Variants in NBPF3 observed in about 807,000 individuals in gnomAD.
NBPF3 encodes the protein NBPF member 3, also known as NBPF family member NBPF3.
In NBPF3, 57 loss-of-function variants were observed where a neutral mutation model predicts 78.1. That is an observed-to-expected ratio of 0.73 (90% CI 0.59 to 0.91). The LOEUF is 0.91. Among genes scored for constraint, NBPF3 ranks in the 40% least tolerant of loss-of-function variants. The pLI is 0.00. For missense variants in NBPF3, 510 were observed against 715.3 expected, an observed-to-expected ratio of 0.71 and a Z score of 3.27; for synonymous variants, 182 against 271.7, an observed-to-expected ratio of 0.67 and a Z score of 3.25.
intron 2 of NBPF3, among the ~76,000 whole-genome samples, chr1:21,466,554 G>T (rs1258057339): frequency 1.3e-5 from 2 of 152,220 alleles, no homozygotes; most frequent in Non-Finnish European, 2.9e-5. Context: ...GTATATTCCA[G>T]AGTTCCAGGG....
intron 5 of NBPF3, 111 bp downstream of exon 5, chr1:21,471,894 G>A (rs76019382): frequency 0.043 from 60,104 of 1,404,324 alleles, 1,486 homozygotes; most frequent in African/African-American, 0.094. Context: ...CCCACTAAAC[G>A]TATGTGGCCG....
chr1:21,457,465 TTTC>T (rs1176292461), intron 2 of NBPF3, among the ~76,000 whole-genome samples: 1 of 151,820 alleles, frequency 6.6e-6, no homozygotes, highest in Non-Finnish European at 1.5e-5. Flanking sequence ...AATGAAACAA[TTTC>T]TCAAAAGACT....
chr1:21,456,727 A>AGG (rs1340612896), intron 2 of NBPF3, among the ~76,000 whole-genome samples: 2 of 152,196 alleles, frequency 1.3e-5, no homozygotes, highest in Non-Finnish European at 2.9e-5. Context: ...AACCCTATTA[A>AGG]GGGTAGATTT....
chr1:21,440,035 T>A (rs1640524727), upstream of NBPF3: 1 of 152,202 alleles, frequency 6.6e-6, no homozygotes, highest in African/African-American at 2.4e-5. Flanking sequence ...GGCCGCCGAG[T>A]CCCTTTAAGG....
intron 9 of NBPF3, among the ~76,000 whole-genome samples, chr1:21,478,882 G>A (rs1297368190): frequency 6.6e-6 from 1 of 152,180 alleles, no homozygotes; most frequent in East Asian, 1.9e-4. Flanking sequence ...ACCCACAAAA[G>A]CCATGATAGC....
chr1:21,450,959 A>G (rs4654936), intron 2 of NBPF3, among the ~76,000 whole-genome samples: 82,458 of 152,182 alleles, frequency 0.54, 23,118 homozygotes, highest in Admixed American at 0.66. Flanking sequence ...TGGAAATGGA[A>G]CTGGGCAAAA....
upstream of NBPF3, among the ~76,000 whole-genome samples, chr1:21,437,999 T>C (rs905440059): frequency 6.6e-6 from 1 of 152,010 alleles, no homozygotes; most frequent in Non-Finnish European, 1.5e-5. Context: ...TTCTTAGTTT[T>C]AGTAGAGATG....
intron 3 of NBPF3, among the ~76,000 whole-genome samples, chr1:21,470,359 CAG>C (rs1336093425): frequency 6.6e-6 from 1 of 152,240 alleles, no homozygotes; most frequent in Admixed American, 6.5e-5. Context: ...AGTCAGACCT[CAG>C]GGGCTGTGAA....
upstream of NBPF3, chr1:21,436,789 A>T: frequency 1.7e-6 from 2 of 1,170,396 alleles, no homozygotes; most frequent in South Asian, 5.8e-5. The surrounding 1 kb of genome is among the most constrained non-coding windows in gnomAD (Gnocchi z 4.3). Flanking sequence ...CGCCTTGCAC[A>T]AGCACCAGCT....
In NBPF3 at chr1:21,480,104, T is replaced by A. The variant is rs1412180130; in HGVS notation, c.1262T>A (p.Leu421Gln). Residue 421 changes from leucine (L) to glutamine (Q), a missense_variant, in exon 11 of 15, where the codon CTG becomes CAG. By Grantham distance (113) the Leu-to-Gln change is moderately radical. This residue lies in a region of NBPF3 where 22 missense variants were observed against 59.9 expected (regional missense o/e 0.37). Transcript: ENST00000318249. ...EKEPEVLQDS[L>Q]DRFYSTPFEY... is the part of the protein sequence containing the mutation. ...GAGCCTGAAGTCTTGCAGGACTCAC[T>A]GGATAGATTTTATTCAACTCCTTTT... 2.7e-6 allele frequency: 3 copies of A among 1,128,992 alleles called. No homozygotes were observed. The African/African-American group carries it at 4.3e-5, about 16-fold the overall frequency. 69.9% of individuals were successfully genotyped at this position (1,128,992 alleles called of 1,614,324 possible). A position where few individuals can be genotyped will look rare whatever the true frequency, so the allele number is the denominator to read the frequency against.
Position 21,445,210 on chromosome 1 carries a change from G to T in NBPF3, c.124G>T (p.Asp42Tyr). The T allele has an allele frequency of 6.2e-7, 1 of 1,611,708 alleles. No homozygotes were observed. Among genetic ancestry groups the T allele is most frequent in the Non-Finnish European group, 8.5e-7 (1 of 1,179,634 alleles). The change falls in exon 2 of 15, where the codon GAT becomes TAT. Residue 42 changes from aspartate (D) to tyrosine (Y), a missense_variant. Transcript: ENST00000318249. ...TGTGGGCCGACATCAAGAGCTGCGAGATCCAACAGGTAAAAATCCCGAGGC... is the reference window on the plus strand; with the variant it reads ...TGTGGGCCGACATCAAGAGCTGCGATATCCAACAGGTAAAAATCCCGAGGC... ...HGVGRHQELRDPTVPGPTSSA... is the reference protein window; with the variant it reads ...HGVGRHQELRYPTVPGPTSSA...
At chr1:21,469,147 G>A (rs991104654) in intron 3 of NBPF3, among the ~76,000 whole-genome samples, 1 of 152,172 alleles carries the variant, frequency 6.6e-6, no homozygotes, top group Admixed American at 6.5e-5. Flanking sequence ...TGGGACACAG[G>A]CACAGAACGA....
At position 21,471,780 on chromosome 1, in the gene NBPF3, C is replaced by T; in HGVS notation, c.658C>T (p.Pro220Ser). The T allele has an allele frequency of 6.2e-7, 1 of 1,612,668 alleles. No individual in the cohort carries two copies. The highest frequency in any genetic ancestry group is 8.5e-7 in the Non-Finnish European group (1 of 1,179,798). ...ACAGCACCTCGTCCAAAAGCTCAGC[C>T]CAGGTGAGGTGGCCATAGGCCCTGA... The part of the protein sequence containing the change: ...LAQHLVQKLS[P>S]ENDDDEDEDV... Residue 220 changes from proline (P) to serine (S), a missense_variant, in exon 5 of 15, where the codon CCA becomes TCA. Around this residue, in one of 5 missense-constraint regions of NBPF3, gnomAD observed 440 missense variants for 478.2 expected, o/e 0.92. Transcript: ENST00000318249.
At chr1:21,468,565 C>G (rs1258374718) in intron 2 of NBPF3, 123 bp from the exon 3 acceptor site, 3 of 1,576,314 alleles carry the variant, frequency 1.9e-6, no homozygotes, top group Non-Finnish European at 2.6e-6. Flanking sequence ...GCTGCGGGGA[C>G]TGATCACATT....
intron 2 of NBPF3, chr1:21,466,950 C>A (rs1642304897): frequency 1.0e-6 from 1 of 972,486 alleles, no homozygotes; most frequent in African/African-American, 1.8e-5. Flanking sequence ...TATATGGATC[C>A]TATGAATAAT....
At chr1:21,465,235 A>G (rs4654751) in intron 2 of NBPF3, among the ~76,000 whole-genome samples, 103,594 of 142,668 alleles carry the variant, frequency 0.73, 35,403 homozygotes, top group South Asian at 0.88. Context: ...GTGTGCCTCC[A>G]TTTCTTCATC....
In NBPF3 at chr1:21,440,315, G is replaced by T. The variant is rs1047699252; in HGVS notation, c.-173G>T. ...CGGCTGCGGGCCGCCGTCTGGATGG[G>T]AAGTTACGGCGAAGTCCACCCAGCG... On this transcript the variant is annotated 5_prime_UTR_variant, in exon 1 of 15. Coordinates refer to ENST00000318249, the MANE Select transcript of NBPF3 (RefSeq NM_032264.6). 2.6e-5 allele frequency: 4 copies of T among 152,240 alleles called. No individual in the cohort carries two copies. Among genetic ancestry groups the T allele is most frequent in the African/African-American group, 9.7e-5 (4 of 41,446 alleles). The allele number at this position is 152,240 out of a possible 1,614,324, so 9.4% of individuals were successfully genotyped here. A position where few individuals can be genotyped will look rare whatever the true frequency, so the allele number is the denominator to read the frequency against.
intron 2 of NBPF3, among the ~76,000 whole-genome samples, chr1:21,464,455 G>A (rs551405827): frequency 3.9e-5 from 6 of 152,022 alleles, no homozygotes; most frequent in South Asian, 2.1e-4. Context: ...AGCACAAGAG[G>A]GGGGGAATTG....
Position 21,460,511 on chromosome 1 carries a change from A to C in NBPF3, c.134-8177A>C, listed in dbSNP as rs1641893321. On this transcript the variant is annotated intron_variant, in intron 2 of 14. Transcript: ENST00000318249. This position sits in a 1 kb window ranked among gnomAD's most constrained non-coding sequence, Gnocchi z 4.2. ...TAAATGTTTTAAAAACAAAGACACC[A>C]ATGCTCTTCATTGAGGAAATGGAAG... 6.6e-6 allele frequency among the ~76,000 whole-genome samples: 1 copy of C among 152,198 alleles called. No homozygotes were observed. Among genetic ancestry groups the C allele is most frequent in the African/African-American group, 2.4e-5 (1 of 41,454 alleles).
Sources: gnomAD v4.1 joint callset for allele counts (sites outside exome capture counted in the v4.1 genomes callset) on GRCh38, gnomAD v4.1.1 for gene constraint, gnomAD v4.1.1 regional missense constraint, Gnocchi (gnomAD v3.1) non-coding constraint, MANE v1.5 for transcripts, NCBI Gene and HGNC (gene_info 2026-07-23, HGNC 2026-07-21) for gene names.